PTPRK: variants seen among roughly 807,000 people sequenced by gnomAD.
The protein encoded by PTPRK is protein tyrosine phosphatase receptor type K, also known as receptor-type tyrosine-protein phosphatase kappa.
In PTPRK, 75 loss-of-function variants were observed where a neutral mutation model predicts 178.0. The observed-to-expected ratio is 0.42, with a 90% CI of 0.35 to 0.51. PTPRK has a LOEUF of 0.51. PTPRK is among the 20% of genes least tolerant of loss of function. The probability of loss-of-function intolerance (pLI) is 0.02; values close to 1 mark genes in which losing one functional copy is unlikely to be tolerated. For synonymous variants in PTPRK, 637 were observed against 620.6 expected (o/e 1.03, Z -0.39); for missense variants, 1,441 against 1,797.8 (o/e 0.80, Z 3.59).
chr6:128,089,259 C>T (rs900322721), intron 8 of PTPRK, among the ~76,000 whole-genome samples: 4 of 152,162 alleles, frequency 2.6e-5, no homozygotes, highest in South Asian at 2.1e-4. Context: ...CCACTACACC[C>T]GGCCCAACAG....
In PTPRK at chr6:127,992,339, A is replaced by T. The variant is rs140747680; in HGVS notation, c.2881+334T>A. On this transcript the variant is annotated intron_variant, in intron 19 of 29. Coordinates refer to ENST00000368226, the MANE Select transcript of PTPRK (RefSeq NM_002844.4). ...CTTGCTGCAAGAAGACAGGCCTCTT[A>T]TATGAGACTTCTTTTTCCTTTCCTC... is the stretch of plus-strand genomic sequence containing the variant. Among the ~76,000 whole-genome samples the T allele has an allele frequency of 8.2e-3, 1,244 of 151,896 alleles. 12 individuals carry two copies. The highest frequency in any genetic ancestry group is 0.013 in the Non-Finnish European group (912 of 67,726).
At position 128,118,988 on chromosome 6, in the gene PTPRK, T is replaced by G. The variant is rs573326191; in HGVS notation, c.1163-28996A>C. Among the ~76,000 whole-genome samples the G allele has an allele frequency of 3.1e-4, 47 of 152,300 alleles. 1 individual carries two copies. Among genetic ancestry groups the G allele is most frequent in the Admixed American group, 2.8e-3 (43 of 15,300 alleles). ...TCTCAGGTGAGCTTCCATTTAGTCT[T>G]GAAAAGAACAGTGAGAAACATTATT... On this transcript the variant is annotated intron_variant, in intron 7 of 29. Transcript: ENST00000368226.
At chr6:128,345,747 T>C (rs995219265) in intron 2 of PTPRK, among the ~76,000 whole-genome samples, 1 of 152,212 alleles carries the variant, frequency 6.6e-6, no homozygotes, top group African/African-American at 2.4e-5. Flanking sequence ...GAATATATAC[T>C]ACATGCATTT....
chr6:128,357,512 G>T (rs1044188009), intron 2 of PTPRK, among the ~76,000 whole-genome samples: 2 of 152,190 alleles, frequency 1.3e-5, no homozygotes, highest in African/African-American at 4.8e-5. Flanking sequence ...TTCAGGTCTA[G>T]GTGGGGACCC....
chr6:128,397,422 G>T (rs376557689), intron 2 of PTPRK, 144 bp downstream of exon 2: 468 of 908,338 alleles, frequency 5.2e-4, no homozygotes, highest in Non-Finnish European at 6.0e-4. Flanking sequence ...GAAAGGCAAA[G>T]AATAAGGCTC....
chr6:128,049,737 T>C lies in PTPRK; in HGVS notation c.2194+15021A>G, dbSNP rs149103987. ...TTCCTTAAGAAACAAATAATCGCAGTATAAATTCTTGATGGCATCATGGCA... is the reference window on the plus strand; with the variant it reads ...TTCCTTAAGAAACAAATAATCGCAGCATAAATTCTTGATGGCATCATGGCA... On this transcript the variant is annotated intron_variant, in intron 13 of 29. Coordinates refer to ENST00000368226, the MANE Select transcript of PTPRK (RefSeq NM_002844.4). 8.5e-3 allele frequency among the ~76,000 whole-genome samples: 1,291 copies of C among 152,340 alleles called. 13 individuals are homozygous for C. Among genetic ancestry groups the C allele is most frequent in the Admixed American group, 0.016 (240 of 15,300 alleles).
intron 3 of PTPRK, among the ~76,000 whole-genome samples, chr6:128,272,314 T>TA (rs1356012970): frequency 5.9e-5 from 9 of 152,144 alleles, no homozygotes; most frequent in African/African-American, 2.2e-4. Context: ...ACCTCATGAC[T>TA]AAAACACCAA....
chr6:128,276,439 A>C (rs1820739826), intron 3 of PTPRK, among the ~76,000 whole-genome samples: 1 of 152,160 alleles, frequency 6.6e-6, no homozygotes, highest in African/African-American at 2.4e-5. Flanking sequence ...TAACCACAAG[A>C]AAATTCCAGA....
chr6:127,998,990 A>T (rs1373866856), intron 15 of PTPRK, 86 bp from the exon 16 acceptor site: 2 of 1,136,042 alleles, frequency 1.8e-6, no homozygotes, highest in Non-Finnish European at 2.4e-6. Flanking sequence ...AGATTTTAAG[A>T]CCTTAAGATC....
At chr6:128,324,607 A>G (rs150717096) in intron 2 of PTPRK, among the ~76,000 whole-genome samples, 1 of 152,152 alleles carries the variant, frequency 6.6e-6, no homozygotes, top group Non-Finnish European at 1.5e-5. Context: ...TTGATAATTC[A>G]TCTCTATAGA....
At chr6:128,010,500 C>T (rs1303683760) in intron 13 of PTPRK, among the ~76,000 whole-genome samples, 3 of 151,206 alleles carry the variant, frequency 2.0e-5, no homozygotes, top group Admixed American at 6.6e-5. Context: ...TCCCCCTCCC[C>T]GCAACCCATA....
intron 3 of PTPRK, among the ~76,000 whole-genome samples, chr6:128,278,861 G>A (rs1821226594): frequency 6.6e-6 from 1 of 152,168 alleles, no homozygotes; most frequent in African/African-American, 2.4e-5. Flanking sequence ...CAATGTTCAA[G>A]TTCGGTTCAA....
intron 2 of PTPRK, among the ~76,000 whole-genome samples, chr6:128,341,803 G>A (rs181129850): frequency 7.9e-5 from 12 of 152,280 alleles, no homozygotes; most frequent in South Asian, 2.1e-4. Flanking sequence ...CTTACTGCCT[G>A]GAGAATACAG....
intron 25 of PTPRK, among the ~76,000 whole-genome samples, chr6:127,978,772 T>A (rs559506508): frequency 1.3e-5 from 2 of 152,258 alleles, no homozygotes; most frequent in South Asian, 4.1e-4. Context: ...TCTTTTTCCC[T>A]CTAAATGCAG....
chr6:127,971,908 G>T (rs890831014), intron 29 of PTPRK, among the ~76,000 whole-genome samples: 1 of 152,048 alleles, frequency 6.6e-6, no homozygotes, highest in Non-Finnish European at 1.5e-5. Flanking sequence ...TTGCTAAGAC[G>T]ATCTGAGAGT....
At chr6:128,451,483 T>C (rs982660007) in intron 1 of PTPRK, among the ~76,000 whole-genome samples, 1 of 152,228 alleles carries the variant, frequency 6.6e-6, no homozygotes, top group East Asian at 1.9e-4. Flanking sequence ...AACCACATAT[T>C]TGTGTGGGGT....
chr6:128,178,591 T>C (rs1312009299), intron 7 of PTPRK, among the ~76,000 whole-genome samples: 1 of 151,932 alleles, frequency 6.6e-6, no homozygotes, highest in Non-Finnish European at 1.5e-5. Context: ...TGAATGATAA[T>C]ATTTTCCAGG....
At chr6:128,161,579 T>C (rs1219600338) in intron 7 of PTPRK, among the ~76,000 whole-genome samples, 7 of 151,672 alleles carry the variant, frequency 4.6e-5, no homozygotes, top group African/African-American at 7.2e-5. Flanking sequence ...TATTTCCCTC[T>C]TGTCAGTTAC....
intron 3 of PTPRK, among the ~76,000 whole-genome samples, chr6:128,284,485 G>A (rs1376584578): frequency 6.6e-6 from 1 of 152,118 alleles, no homozygotes; most frequent in Non-Finnish European, 1.5e-5. Context: ...TCTACAACTC[G>A]ATCTCATGTG....
Sources: gnomAD v4.1 joint callset for allele counts (sites outside exome capture counted in the v4.1 genomes callset) on GRCh38, gnomAD v4.1.1 for gene constraint, MANE v1.5 for transcripts, NCBI Gene and HGNC (gene_info 2026-07-23, HGNC 2026-07-21) for gene names.